Variants in DCC observed in about 807,000 individuals in gnomAD.
The protein encoded by DCC is netrin receptor DCC.
A neutral mutation model predicts 172.5 loss-of-function variants in DCC; 58 were observed. The ratio of observed to expected loss-of-function variants is 0.34; its 90% confidence interval spans 0.27 to 0.42. DCC has a LOEUF of 0.42. Among genes scored for constraint, DCC ranks in the 10% least tolerant of loss-of-function variants. The pLI, the probability that DCC is intolerant of heterozygous loss-of-function variation, is 1.00. For synonymous variants in DCC, 709 were observed against 644.5 expected (o/e 1.10, Z -1.52); for missense variants, 1,740 against 1,791.0 (o/e 0.97, Z 0.51).
At position 52,779,320 on chromosome 18, in the gene DCC, A is replaced by G. The variant is rs993185904; in HGVS notation, c.412+26946A>G. 4.1e-4 allele frequency among the ~76,000 whole-genome samples: 62 copies of G among 152,024 alleles called. 1 individual carries two copies. The highest frequency in any genetic ancestry group is 9.7e-5 in the African/African-American group (4 of 41,384). ...CCCTCCCCAAGTGGCGCATACCCCA[A>G]CAGGCCCCAGTGTTTGACGTTCCCC... On this transcript the variant is annotated intron_variant, in intron 2 of 28. Transcript: ENST00000442544.
At chr18:53,351,458 C>CACTGTATATATAT (rs1568075464) in intron 15 of DCC, among the ~76,000 whole-genome samples, 17 of 24,276 alleles carry the variant, frequency 7.0e-4, no homozygotes, top group Non-Finnish European at 1.2e-3. Flanking sequence ...TATATATATA[C>CACTGTATATATAT]ACAGTGTGTA....
At chr18:52,849,131 A>G (rs1398190124) in intron 2 of DCC, among the ~76,000 whole-genome samples, 1 of 152,036 alleles carries the variant, frequency 6.6e-6, no homozygotes, top group Non-Finnish European at 1.5e-5. Flanking sequence ...GGAGGTATGT[A>G]AACAGATTCA....
chr18:52,450,197 T>G (rs1306658209), intron 1 of DCC, among the ~76,000 whole-genome samples: 1 of 152,196 alleles, frequency 6.6e-6, no homozygotes, highest in Non-Finnish European at 1.5e-5. Context: ...CCACTTCATT[T>G]CATTATTTTT....
At chr18:53,342,536 G>C (rs549118047) in intron 15 of DCC, among the ~76,000 whole-genome samples, 2 of 151,278 alleles carry the variant, frequency 1.3e-5, no homozygotes, top group East Asian at 1.9e-4. Context: ...TACATTAAAA[G>C]TGTACTTTTT....
intron 1 of DCC, among the ~76,000 whole-genome samples, chr18:52,516,514 C>T (rs1402315517): frequency 6.6e-6 from 1 of 152,150 alleles, no homozygotes; most frequent in Non-Finnish European, 1.5e-5. Context: ...ACAAACTGTA[C>T]TTGATCTTCT....
At chr18:53,014,425 CT>C (rs2041776849) in intron 5 of DCC, among the ~76,000 whole-genome samples, 5 of 8,600 alleles carry the variant, frequency 5.8e-4, no homozygotes, top group Non-Finnish European at 1.1e-3. Context: ...AATGTTATCC[CT>C]CCCCCCTCCC....
chr18:53,131,979 T>TA (rs2043662947), intron 7 of DCC, among the ~76,000 whole-genome samples: 1 of 134,000 alleles, frequency 7.5e-6, no homozygotes, highest in Non-Finnish European at 1.6e-5. Flanking sequence ...TTTTTTTTTT[T>TA]TTTTTAGCTA....
At chr18:52,863,548 CATTATATCTTATTTGGA>C (rs1295317822) in intron 2 of DCC, among the ~76,000 whole-genome samples, 5 of 151,600 alleles carry the variant, frequency 3.3e-5, no homozygotes, top group Admixed American at 6.6e-5. Flanking sequence ...AATGTCTTAG[CATTATATCTTATTTGGA>C]AATGATCTAG....
At chr18:52,701,010 G>A (rs772823892) in intron 1 of DCC, among the ~76,000 whole-genome samples, 10 of 152,100 alleles carry the variant, frequency 6.6e-5, no homozygotes, top group Non-Finnish European at 1.0e-4. Context: ...CATTGGCCAT[G>A]GTGGATTATA....
At chr18:53,061,170 C>CGCAGTGAG (rs1243098180) in intron 5 of DCC, among the ~76,000 whole-genome samples, 1 of 152,074 alleles carries the variant, frequency 6.6e-6, no homozygotes, top group African/African-American at 2.4e-5. Flanking sequence ...CAGAGGCACT[C>CGCAGTGAG]GCAGTGAGAG....
At chr18:53,206,863 C>T (rs2055658751) in intron 10 of DCC, among the ~76,000 whole-genome samples, 1 of 151,408 alleles carries the variant, frequency 6.6e-6, no homozygotes, top group Non-Finnish European at 1.5e-5. Flanking sequence ...ACTGCATGAT[C>T]AGAATTTTTA....
At chr18:52,450,211 G>C (rs1988259237) in intron 1 of DCC, among the ~76,000 whole-genome samples, 1 of 152,134 alleles carries the variant, frequency 6.6e-6, no homozygotes, top group Admixed American at 6.5e-5. Context: ...TATTTTTATA[G>C]TAACATAGGC....
intron 2 of DCC, among the ~76,000 whole-genome samples, chr18:52,817,777 G>A (rs1008285601): frequency 6.7e-6 from 1 of 149,802 alleles, no homozygotes; most frequent in African/African-American, 2.5e-5. Context: ...CTCCCAATCT[G>A]AAATATAAAA....
intron 26 of DCC, among the ~76,000 whole-genome samples, chr18:53,496,877 T>C (rs759054449): frequency 6.6e-6 from 1 of 152,142 alleles, no homozygotes; most frequent in Non-Finnish European, 1.5e-5. Context: ...GTTGAAAGTA[T>C]AATGTAGATT....
rs1259399214 is a variant in DCC, at chr18:53,237,564, A to G, written c.1911+21967A>G. On this transcript the variant is annotated intron_variant, in intron 12 of 28. Coordinates refer to ENST00000442544, the MANE Select transcript of DCC (RefSeq NM_005215.4). ...GTGGTTGACAGCTGGATTTTCAGCT[A>G]GTGACAGGTTTGCTATATTAACCTA... 2.0e-5 allele frequency among the ~76,000 whole-genome samples: 3 copies of G among 152,146 alleles called. No homozygotes were observed. The South Asian group carries it at 6.2e-4, about 32-fold the overall frequency.
rs184261881 is a variant in DCC at position 53,118,701 on chromosome 18, C to T, written c.1262-38655C>T. On this transcript the variant is annotated intron_variant, in intron 7 of 28. Coordinates refer to ENST00000442544, the MANE Select transcript of DCC (RefSeq NM_005215.4). ...GCTAAACACTTTAAATACATTATTA[C>T]ATCGAAACCCCACAATAGTTATGTA... is the stretch of plus-strand genomic sequence containing the variant. Among the ~76,000 whole-genome samples, 550 of 151,824 alleles carry T rather than the reference C, an allele frequency of 3.6e-3. 5 individuals carry two copies. The highest frequency in any genetic ancestry group is 6.8e-3 in the Middle Eastern group (2 of 294).
intron 21 of DCC, among the ~76,000 whole-genome samples, chr18:53,419,159 T>C (rs1457924559): frequency 6.6e-6 from 1 of 152,060 alleles, no homozygotes; most frequent in Non-Finnish European, 1.5e-5. Flanking sequence ...TATTTTTAAT[T>C]TTTGTGTCTA....
At chr18:52,840,093 C>A (rs533269981) in intron 2 of DCC, among the ~76,000 whole-genome samples, 1 of 152,230 alleles carries the variant, frequency 6.6e-6, no homozygotes, top group South Asian at 2.1e-4. Flanking sequence ...CCAGGGGGTG[C>A]AGATGTTGAT....
intron 2 of DCC, among the ~76,000 whole-genome samples, chr18:52,861,609 G>C (rs2039143368): frequency 1.3e-5 from 2 of 152,136 alleles, no homozygotes; most frequent in South Asian, 4.1e-4. Flanking sequence ...AATAATTCTT[G>C]ACTCTGGAAA....
Sources: allele counts gnomAD v4.1 joint callset (sites outside exome capture counted in the v4.1 genomes callset), GRCh38; gene constraint gnomAD v4.1.1; transcripts MANE v1.5; gene names NCBI Gene and HGNC (gene_info 2026-07-23, HGNC 2026-07-21).